Variants in REV1 observed in about 807,000 individuals in gnomAD.
REV1 encodes REV1 DNA directed polymerase, also known as translesion synthesis protein REV1.
Under a neutral mutation model 137.4 loss-of-function variants are expected in REV1, and 42 were observed. The ratio of observed to expected loss-of-function variants is 0.31; its 90% CI spans 0.24 to 0.40. The LOEUF is 0.40. REV1 is among the 10% of genes least tolerant of loss of function. The pLI is 1.00. For synonymous variants in REV1, 524 were observed against 519.2 expected (o/e 1.01, Z -0.12); for missense variants, 1,282 against 1,490.1 (o/e 0.86, Z 2.30).
intron 3 of REV1, among the ~76,000 whole-genome samples, chr2:99,458,975 A>G (rs1041667163): frequency 2.0e-5 from 3 of 152,072 alleles, no homozygotes; most frequent in East Asian, 1.9e-4. Context: ...TTGGGAGGCC[A>G]AGGTGGGCAG....
intron 3 of REV1, among the ~76,000 whole-genome samples, chr2:99,457,698 AAAAG>A (rs1273269854): frequency 2.6e-5 from 4 of 152,186 alleles, no homozygotes; most frequent in Non-Finnish European, 5.9e-5. Flanking sequence ...AAAAAAAAAA[AAAAG>A]AGAGAGAGAG....
chr2:99,486,215 A>G, intron 1 of REV1, among the ~76,000 whole-genome samples: 1 of 152,234 alleles, frequency 6.6e-6, no homozygotes, highest in East Asian at 1.9e-4. Flanking sequence ...AATTTCAAAT[A>G]GTTCCTAGAA....
At chr2:99,424,432 C>T in intron 9 of REV1, 152 bp from the exon 10 acceptor site, 1 of 837,792 alleles carries the variant, frequency 1.2e-6, no homozygotes, top group Non-Finnish European at 1.8e-6. Context: ...TTAAAATTTA[C>T]AGCCTTGTTT....
At position 99,438,608 on chromosome 2, in the gene REV1, A is replaced by T; in HGVS notation, c.1206T>A (p.Thr402=). The T allele has an allele frequency of 6.2e-7, 1 of 1,609,320 alleles. No homozygotes were observed. Among genetic ancestry groups the T allele is most frequent in the African/African-American group, 1.3e-5 (1 of 74,948 alleles). ...ATTTTAATAAGTATCTACCTGTGTC[A>T]GTTACAACAAGTGCAGACCTGCCTG... The part of the protein sequence containing the change: ...MKTGRSALVV[T]DTGDMSVLNS... Residue 402 remains threonine, a synonymous_variant, in exon 6 of 23, where the codon ACT becomes ACA. Coordinates refer to ENST00000258428, the MANE Select transcript of REV1 (RefSeq NM_016316.4).
chr2:99,425,985 G>A (rs1021010597), intron 9 of REV1, among the ~76,000 whole-genome samples: 9 of 147,246 alleles, frequency 6.1e-5, no homozygotes, highest in East Asian at 2.1e-4. Flanking sequence ...GCAGTGAGCC[G>A]AGATCGCGCC....
chr2:99,418,979 TCA>T (rs201548583), intron 11 of REV1, 32 bp from the exon 12 acceptor site: 19,435 of 1,539,066 alleles, frequency 0.013, 143 homozygotes, highest in Middle Eastern at 0.016. Context: ...CAAGAAATAG[TCA>T]CAATTATTTT....
chr2:99,432,064 A>ATAC, intron 8 of REV1: 2 of 234,604 alleles, frequency 8.5e-6, no homozygotes, highest in Non-Finnish European at 1.4e-5. Flanking sequence ...GAAATCCAGG[A>ATAC]AGGGGTAAAA....
intron 1 of REV1, among the ~76,000 whole-genome samples, chr2:99,470,537 G>C (rs1281668102): frequency 6.6e-6 from 1 of 152,166 alleles, no homozygotes; most frequent in Non-Finnish European, 1.5e-5. Flanking sequence ...CCACAATTTA[G>C]CCTAAATATT....
intron 1 of REV1, among the ~76,000 whole-genome samples, chr2:99,485,349 A>T (rs781219058): frequency 2.0e-5 from 3 of 152,256 alleles, no homozygotes; most frequent in Non-Finnish European, 4.4e-5. Context: ...TGAAAAGAAC[A>T]GAAAGATACA....
At chr2:99,461,658 TA>T (rs1684222127) in intron 3 of REV1, among the ~76,000 whole-genome samples, 1 of 152,200 alleles carries the variant, frequency 6.6e-6, no homozygotes, top group Non-Finnish European at 1.5e-5. Flanking sequence ...GAGAAAAATT[TA>T]GGCAGAAAAC....
chr2:99,454,603 C>T (rs558868659), intron 3 of REV1, among the ~76,000 whole-genome samples: 8 of 127,172 alleles, frequency 6.3e-5, no homozygotes, highest in East Asian at 5.4e-4. Context: ...CCAAAAATTA[C>T]GTGTGGTGGC....
chr2:99,456,531 G>A (rs1175783483), intron 3 of REV1, among the ~76,000 whole-genome samples: 2 of 152,174 alleles, frequency 1.3e-5, no homozygotes, highest in Admixed American at 6.5e-5. Flanking sequence ...ACCTGAGGAA[G>A]CAGAAGGAAC....
At position 99,487,274 on chromosome 2, in the gene REV1, AT is replaced by A. The variant is rs1182123323; in HGVS notation, c.-11+2542del. On this transcript the variant is annotated intron_variant, in intron 1 of 22. Transcript: ENST00000258428. ...ATGCTATGCCCTGATGGCGACTAAGATTCAAATGTAAGTGGTTCACAGGATG... is the reference window on the plus strand; with the variant it reads ...ATGCTATGCCCTGATGGCGACTAAGATCAAATGTAAGTGGTTCACAGGATG... Among the ~76,000 whole-genome samples the A allele has an allele frequency of 8.0e-5, 4 of 49,848 alleles. 2 individuals carry two copies. The highest frequency in any genetic ancestry group is 2.7e-4 in the African/African-American group (4 of 14,976). 32.7% of individuals were successfully genotyped at this position (49,848 alleles called of 152,430 possible).
intron 12 of REV1, among the ~76,000 whole-genome samples, chr2:99,415,525 A>G (rs1677733913): frequency 6.6e-6 from 1 of 152,262 alleles, no homozygotes; most frequent in South Asian, 2.1e-4. Flanking sequence ...GTGCTGTTCA[A>G]CTGAACTTTC....
chr2:99,406,269 G>C, intron 16 of REV1, 56 bp downstream of exon 16: 4 of 1,511,562 alleles, frequency 2.6e-6, no homozygotes, highest in South Asian at 2.7e-5. Context: ...ACCAACTGCC[G>C]TCTTTCCAAG....
intron 1 of REV1, among the ~76,000 whole-genome samples, chr2:99,489,032 T>C (rs569799619): frequency 2.0e-5 from 3 of 152,170 alleles, no homozygotes; most frequent in African/African-American, 7.2e-5. Context: ...CATTAAGGAG[T>C]GTTATGTGAG....
In REV1 at chr2:99,438,627, C is replaced by A. The variant is rs1681069372; in HGVS notation, c.1187G>T (p.Arg396Met). The stretch of plus-strand genomic sequence containing the variant: ...TGTGTCAGTTACAACAAGTGCAGAC[C>A]TGCCTGTTTTCATTTTTTTTAACTT... ...REKLKKMKTG[R>M]SALVVTDTGD... is the part of the protein sequence containing the mutation. The change falls in exon 6 of 23, where the codon AGG becomes ATG. Residue 396 changes from arginine (R) to methionine (M), a missense_variant. Arg to Met is a moderately conservative substitution (Grantham distance 91). Transcript: ENST00000258428. 1 of 1,613,260 alleles carries A rather than the reference C, an allele frequency of 6.2e-7. No homozygotes were observed. Among genetic ancestry groups the A allele is most frequent in the Non-Finnish European group, 8.5e-7 (1 of 1,179,804 alleles).
chr2:99,435,778 A>AAT, intron 7 of REV1, 56 bp downstream of exon 7: 2 of 876,944 alleles, frequency 2.3e-6, no homozygotes, highest in Non-Finnish European at 3.5e-6. Context: ...AATCTCTTTG[A>AAT]ATATATATTT....
Position 99,401,145 on chromosome 2 carries a change from T to G in REV1, c.*96A>C. The G allele has an allele frequency of 1.5e-6, 1 of 655,898 alleles. No homozygotes were observed. The highest frequency in any genetic ancestry group is 2.5e-6 in the Non-Finnish European group (1 of 398,510). 40.6% of individuals were successfully genotyped at this position (655,898 alleles called of 1,614,324 possible). On this transcript the variant is annotated 3_prime_UTR_variant, in exon 23 of 23. Transcript: ENST00000258428. Reference sequence around the variant, plus strand: ...ACTTGCTTTAAAAGAAATTTAAAATTATAAAAACTCCGAGCATTACTATCA... The same window carrying G: ...ACTTGCTTTAAAAGAAATTTAAAATGATAAAAACTCCGAGCATTACTATCA...
Sources: gnomAD v4.1 joint callset for allele counts (sites outside exome capture counted in the v4.1 genomes callset) on GRCh38, gnomAD v4.1.1 for gene constraint, MANE v1.5 for transcripts, NCBI Gene and HGNC (gene_info 2026-07-23, HGNC 2026-07-21) for gene names.